Variants in PLAUR observed in about 807,000 individuals in gnomAD.
PLAUR encodes the protein plasminogen activator, urokinase receptor, also known as urokinase plasminogen activator surface receptor.
PLAUR carries 22 observed loss-of-function variants against 33.4 expected under a neutral mutation model. That is an observed-to-expected ratio of 0.66 (90% confidence interval 0.47 to 0.94). The LOEUF (loss-of-function observed/expected upper bound fraction) is 0.94, where lower values mean the gene tolerates loss of function less well. PLAUR is among the 40% of genes least tolerant of loss of function. The pLI is 0.00. For missense variants in PLAUR, 408 were observed against 434.7 expected (o/e 0.94, Z 0.55); for synonymous variants, 148 against 167.3 (o/e 0.88, Z 0.89).
chr19:43,647,717 A>G (rs1353596097), downstream of PLAUR, among the ~76,000 whole-genome samples: 5 of 152,126 alleles, frequency 3.3e-5, no homozygotes, highest in Non-Finnish European at 7.4e-5. Flanking sequence ...GAGGCAGGAG[A>G]ATCCCTTGAA....
chr19:43,662,898 T>C (rs1398528289), intron 3 of PLAUR, among the ~76,000 whole-genome samples: 3 of 152,158 alleles, frequency 2.0e-5, no homozygotes, highest in African/African-American at 7.2e-5. Context: ...AATTTTTTTG[T>C]AGAGTCATGT....
At chr19:43,666,007 C>T (rs1262837544) in intron 2 of PLAUR, among the ~76,000 whole-genome samples, 4 of 151,782 alleles carry the variant, frequency 2.6e-5, no homozygotes, top group African/African-American at 4.8e-5. Context: ...CTTTCTGGAT[C>T]CATCTATCCC....
At position 43,652,225 on chromosome 19, in the gene PLAUR, C is replaced by G; in HGVS notation, c.754G>C (p.Glu252Gln). The G allele has an allele frequency of 6.2e-7, 1 of 1,614,010 alleles. No individual in the cohort carries two copies. The highest frequency in any genetic ancestry group is 1.3e-5 in the African/African-American group (1 of 75,046). ...NQCLVATGTH[E>Q]PKNQSYMVRG... ...CTCCCAGCCTCGGAGAGGGCCTCAC[C>G]GTGAGTGCCGGTGGCTACCAGACAT... Residue 252 changes from glutamate to glutamine, a missense_variant and splice_region_variant, in exon 6 of 7, where the codon GAA (glutamate) becomes CAA (glutamine). Glu to Gln is a conservative substitution (Grantham distance 29). Coordinates refer to ENST00000340093, the MANE Select transcript of PLAUR (RefSeq NM_002659.4).
chr19:43,668,843 C>G (rs963815834), intron 1 of PLAUR, among the ~76,000 whole-genome samples: 1 of 151,688 alleles, frequency 6.6e-6, no homozygotes, highest in Non-Finnish European at 1.5e-5. Context: ...GTTCTAGCCC[C>G]GCTCCTAGCT....
chr19:43,658,387 C>T (rs2146239641), intron 3 of PLAUR, among the ~76,000 whole-genome samples: 1 of 152,330 alleles, frequency 6.6e-6, no homozygotes, highest in South Asian at 2.1e-4. Context: ...AGCTAAGCCA[C>T]TCCAGGGTTT....
chr19:43,668,011 G>C, intron 1 of PLAUR: 1 of 1,166,672 alleles, frequency 8.6e-7, no homozygotes, highest in African/African-American at 1.6e-5. Flanking sequence ...CTATCAGTAC[G>C]TTCTATTCCT....
chr19:43,668,160 C>T, intron 1 of PLAUR: 1 of 991,106 alleles, frequency 1.0e-6, no homozygotes, highest in Non-Finnish European at 1.2e-6. Flanking sequence ...ATGGAACTAT[C>T]CCTCCACTCA....
At chr19:43,651,437 GTT>G (rs34622358) in intron 6 of PLAUR, among the ~76,000 whole-genome samples, 1 of 137,908 alleles carries the variant, frequency 7.3e-6, no homozygotes, top group Admixed American at 7.3e-5. Flanking sequence ...ACAATAAAGA[GTT>G]TTTTTTTTTT....
At position 43,648,902 on chromosome 19, in the gene PLAUR, G is replaced by T. The variant is rs4251922; in HGVS notation, c.996C>A (p.Leu332=). The change falls in exon 7 of 7, where the codon CTC becomes CTA. Residue 332 remains leucine, a synonymous_variant. Transcript: ENST00000340093. ...GGGGATTTCAGGTTTAGGTCCAGAG[G>T]AGAGTGCCTCCCCACAGTCTGGCAG... ...LMTARLWGGT[L]LWT The T allele has an allele frequency of 1.8e-5, 29 of 1,613,500 alleles. No individual in the cohort carries two copies. In the Middle Eastern group the frequency reaches 5.1e-4, roughly 28 times the overall value.
intron 4 of PLAUR, among the ~76,000 whole-genome samples, chr19:43,656,153 T>C (rs978655675): frequency 1.3e-5 from 2 of 151,876 alleles, no homozygotes; most frequent in African/African-American, 4.8e-5. Flanking sequence ...TTCAGGAGGC[T>C]GAGGCAGGAG....
chr19:43,663,580 A>G (rs1038080740), intron 3 of PLAUR, among the ~76,000 whole-genome samples: 2 of 151,962 alleles, frequency 1.3e-5, no homozygotes, highest in African/African-American at 4.8e-5. Context: ...TCAGGAGTTC[A>G]AGATCAGCTT....
intron 6 of PLAUR, among the ~76,000 whole-genome samples, chr19:43,650,018 G>T (rs74572834): frequency 0.055 from 7,664 of 138,548 alleles, 254 homozygotes; most frequent in Middle Eastern, 0.16. Flanking sequence ...CTTTTTTTTT[G>T]TTTTTTTTTT....
chr19:43,651,544 C>T (rs897037328), intron 6 of PLAUR, among the ~76,000 whole-genome samples: 8 of 151,760 alleles, frequency 5.3e-5, no homozygotes, highest in Middle Eastern at 3.4e-3. Context: ...AAGTGATTCT[C>T]GTGCCTCAGC....
At chr19:43,663,300 T>TACACACACACACAC (rs59542257) in intron 3 of PLAUR, among the ~76,000 whole-genome samples, 7 of 131,822 alleles carry the variant, frequency 5.3e-5, no homozygotes. Flanking sequence ...CTGTCACCCC[T>TACACACACACACAC]ACACACACAC....
intron 1 of PLAUR, among the ~76,000 whole-genome samples, chr19:43,669,031 G>A (rs1326224632): frequency 6.6e-6 from 1 of 152,174 alleles, no homozygotes; most frequent in African/African-American, 2.4e-5. Context: ...TGCGCGTTCG[G>A]AGTATCCCGG....
intron 5 of PLAUR, among the ~76,000 whole-genome samples, chr19:43,654,386 C>A (rs1482640157): frequency 6.6e-6 from 1 of 152,058 alleles, no homozygotes; most frequent in African/African-American, 2.4e-5. Context: ...GTCTTTGGAT[C>A]TTATTCTAAG....
rs749569798 is a variant in PLAUR at position 43,656,531 on chromosome 19, A to T, written c.420T>A (p.Pro140=). The T allele has an allele frequency of 1.9e-6, 3 of 1,610,960 alleles. No individual in the cohort carries two copies. In the African/African-American group the frequency reaches 4.0e-5, roughly 22 times the overall value. The part of the protein sequence containing the change: ...GRHQSLQCRS[P]EEQCLDVVTH... ...TCACCACATCCAGGCACTGTTCTTC[A>T]GGGCTGCGGCACTGCAGGCTCTGGT... The change falls in exon 4 of 7, where the codon CCT becomes CCA. Residue 140 remains proline (P), a synonymous_variant. Transcript: ENST00000340093.
Position 43,648,635 on chromosome 19 carries a change from A to G in PLAUR, c.*255T>C, listed in dbSNP as rs1973865746. The G allele has an allele frequency of 2.5e-6, 2 of 810,074 alleles. No individual in the cohort carries two copies. The highest frequency in any genetic ancestry group is 3.5e-5 in the African/African-American group (2 of 56,958). The allele number at this position is 810,074 out of a possible 1,614,324, so 50.2% of individuals were successfully genotyped here. ...AAATAAATAATATGAATATTAATTA[A>G]TAACAACAACACAACAGCGGCAACA... is the stretch of plus-strand genomic sequence containing the variant. On this transcript the variant is annotated 3_prime_UTR_variant, in exon 7 of 7. Transcript: ENST00000340093.
chr19:43,664,864 C>G (rs4251835), intron 3 of PLAUR, among the ~76,000 whole-genome samples: 2 of 152,186 alleles, frequency 1.3e-5, no homozygotes, highest in Non-Finnish European at 2.9e-5. Context: ...TCATCTATGT[C>G]TCATGCATGC....
Sources: allele counts gnomAD v4.1 joint callset (sites outside exome capture counted in the v4.1 genomes callset), GRCh38; gene constraint gnomAD v4.1.1; transcripts MANE v1.5; gene names NCBI Gene and HGNC (gene_info 2026-07-23, HGNC 2026-07-21).